The following MKLN1 variants were observed in gnomAD, a reference collection of about 807,000 sequenced individuals.
MKLN1 encodes the protein muskelin 1.
Under a neutral mutation model 99.0 loss-of-function variants are expected in MKLN1, and 18 were observed. The ratio of observed to expected loss-of-function variants is 0.18; its 90% CI spans 0.13 to 0.27. The LOEUF is 0.27. MKLN1 is among the 10% of genes least tolerant of loss of function. The pLI is 1.00. For missense variants in MKLN1, 621 were observed against 875.9 expected, an observed-to-expected ratio of 0.71 and a Z score of 3.67; for synonymous variants, 288 against 293.2, an observed-to-expected ratio of 0.98 and a Z score of 0.18.
At chr7:131,385,348 T>C (rs1563322678) in intron 2 of MKLN1, among the ~76,000 whole-genome samples, 9 of 152,128 alleles carry the variant, frequency 5.9e-5, no homozygotes, top group Admixed American at 5.2e-4. Flanking sequence ...TATACCTTTT[T>C]TTTTTTTCCT....
In MKLN1 at chr7:131,495,815, A is replaced by T. The variant is rs1310116346; in HGVS notation, c.*8087A>T. The T allele has an allele frequency of 6.6e-6, 1 of 152,212 alleles. No individual in the cohort carries two copies. Among genetic ancestry groups the T allele is most frequent in the Non-Finnish European group, 1.5e-5 (1 of 68,040 alleles). 9.4% of individuals were successfully genotyped at this position (152,212 alleles called of 1,614,324 possible). A position where few individuals can be genotyped will look rare whatever the true frequency, so the allele number is the denominator to read the frequency against. ...TATAGGGAGCTGCCTTGCTCAGGTC[A>T]TTGGAAATTTCAACCCTAAGACTCA... On this transcript the variant is annotated 3_prime_UTR_variant, in exon 18 of 18. Coordinates refer to ENST00000352689, the MANE Select transcript of MKLN1 (RefSeq NM_013255.5).
At chr7:131,261,475 T>A (rs1277852337) in intron 3 of MKLN1, among the ~76,000 whole-genome samples, 1 of 152,172 alleles carries the variant, frequency 6.6e-6, no homozygotes, top group Non-Finnish European at 1.5e-5. Context: ...CAATGGCTAC[T>A]ATTAAAAAGT....
At chr7:131,397,439 A>G (rs1251882776) in intron 5 of MKLN1, 63 bp downstream of exon 5, 4 of 807,514 alleles carry the variant, frequency 5.0e-6, no homozygotes, top group East Asian at 2.6e-5. Context: ...TCAATCTCTT[A>G]TCTTCATTGA....
chr7:131,399,512 G>T (rs1166065636), intron 6 of MKLN1, 79 bp downstream of exon 6: 6 of 1,204,540 alleles, frequency 5.0e-6, no homozygotes, highest in Non-Finnish European at 4.7e-6. Flanking sequence ...ATAGGCTTAT[G>T]CCAGTTATTA....
chr7:131,452,120 A>G (rs1190742072), intron 12 of MKLN1, among the ~76,000 whole-genome samples: 5 of 152,178 alleles, frequency 3.3e-5, no homozygotes, highest in African/African-American at 9.7e-5. Flanking sequence ...TCTAACCATT[A>G]TAGCAGATTG....
upstream of MKLN1, chr7:131,327,770 G>A (rs1044473588): frequency 2.1e-6 from 3 of 1,425,618 alleles, no homozygotes; most frequent in East Asian, 2.5e-5. Flanking sequence ...CGCTGGGCTC[G>A]GGTAACGATG....
chr7:131,177,547 A>T (rs1796317767), intron 2 of MKLN1, among the ~76,000 whole-genome samples: 1 of 151,672 alleles, frequency 6.6e-6, no homozygotes, highest in African/African-American at 2.4e-5. Context: ...TACTAATCAC[A>T]TACACTCTTA....
intron 3 of MKLN1, among the ~76,000 whole-genome samples, chr7:131,268,625 G>A (rs1005662200): frequency 1.3e-5 from 2 of 152,152 alleles, no homozygotes; most frequent in Non-Finnish European, 2.9e-5. Flanking sequence ...TAACTGCACA[G>A]GAGGACTGTT....
rs1797519798 is a variant in MKLN1 at position 131,495,024 on chromosome 7, A to G, written c.*7296A>G. 6.6e-6 allele frequency: 1 copy of G among 152,230 alleles called. No homozygotes were observed. Among genetic ancestry groups the G allele is most frequent in the African/African-American group, 2.4e-5 (1 of 41,466 alleles). The allele number at this position is 152,230 out of a possible 1,614,324, so 9.4% of individuals were successfully genotyped here. A position where few individuals can be genotyped will look rare whatever the true frequency, so the allele number is the denominator to read the frequency against. On this transcript the variant is annotated 3_prime_UTR_variant, in exon 18 of 18. Transcript: ENST00000352689. The stretch of plus-strand genomic sequence containing the variant: ...CAGTTGAGTTATTAGCCTCAGAGGA[A>G]GAGTACAGGAAAGCGAAGATGAGGA...
rs140039025 is a variant in MKLN1 at position 131,224,881 on chromosome 7, G to C, written c.-179+21907G>C. The stretch of plus-strand genomic sequence containing the variant: ...GAGGTCAGGAAATCGAGACCATCCT[G>C]GCTAACATGGTGAAACCCCGTCTCT... On this transcript the variant is annotated intron_variant, in intron 3 of 7. Transcript: ENST00000416992. Among the ~76,000 whole-genome samples, 792 of 151,192 alleles carry C rather than the reference G, an allele frequency of 5.2e-3. 12 individuals are homozygous for C. The highest frequency in any genetic ancestry group is 0.018 in the African/African-American group (728 of 41,178).
chr7:131,346,833 A>T (rs984921992), intron 1 of MKLN1, among the ~76,000 whole-genome samples: 4 of 152,258 alleles, frequency 2.6e-5, no homozygotes. Flanking sequence ...TTGTTTTTCT[A>T]TAATTACATA....
chr7:131,439,586 T>TA (rs1267270236), intron 10 of MKLN1, among the ~76,000 whole-genome samples: 1 of 152,196 alleles, frequency 6.6e-6, no homozygotes, highest in Non-Finnish European at 1.5e-5. Context: ...AGTTAGAACT[T>TA]ACACTTGTAG....
chr7:131,483,092 A>T (rs1584788338), intron 17 of MKLN1, among the ~76,000 whole-genome samples: 1 of 152,128 alleles, frequency 6.6e-6, no homozygotes, highest in African/African-American at 2.4e-5. Context: ...TCCTCTTTCC[A>T]TTTTACTTTA....
At chr7:131,344,770 A>G (rs1270455242) in intron 1 of MKLN1, among the ~76,000 whole-genome samples, 2 of 152,160 alleles carry the variant, frequency 1.3e-5, no homozygotes, top group Non-Finnish European at 1.5e-5. Flanking sequence ...AAATAAAAGG[A>G]GGACCTAATC....
intron 2 of MKLN1, among the ~76,000 whole-genome samples, chr7:131,157,990 T>C (rs7789240): frequency 0.13 from 19,905 of 152,188 alleles, 1,664 homozygotes; most frequent in African/African-American, 0.21. Context: ...TCCCGTCCAC[T>C]GTGGCCACCT....
rs550960061 is a variant in MKLN1 at position 131,299,000 on chromosome 7, G to A, written c.-178-76424G>A. 7.4e-4 allele frequency among the ~76,000 whole-genome samples: 112 copies of A among 152,246 alleles called. 2 individuals are homozygous for A. In the South Asian group the frequency reaches 0.022, roughly 30 times the overall value. ...TGAGACCAGCTTGGGCAACAACAGC[G>A]AGATTCTGTCTCTATTGTTTATAAA... On this transcript the variant is annotated intron_variant, in intron 3 of 7. Transcript: ENST00000416992.
At chr7:131,179,828 C>A (rs962650508) in intron 2 of MKLN1, among the ~76,000 whole-genome samples, 1 of 152,070 alleles carries the variant, frequency 6.6e-6, no homozygotes, top group Non-Finnish European at 1.5e-5. Flanking sequence ...CCTGCCTCGG[C>A]CTCCCAAAAT....
chr7:131,373,353 A>G (rs1308345943), intron 1 of MKLN1, among the ~76,000 whole-genome samples: 2 of 151,934 alleles, frequency 1.3e-5, no homozygotes, highest in Non-Finnish European at 2.9e-5. Context: ...GTGCTCTTTA[A>G]ATATTCAAAT....
intron 2 of MKLN1, among the ~76,000 whole-genome samples, chr7:131,200,042 G>T (rs1284821838): frequency 6.6e-6 from 1 of 151,760 alleles, no homozygotes; most frequent in African/African-American, 2.4e-5. Context: ...ATGAGGTCTT[G>T]CTCTGCTGCC....
Sources: gnomAD v4.1 joint callset for allele counts (sites outside exome capture counted in the v4.1 genomes callset) on GRCh38, gnomAD v4.1.1 for gene constraint, MANE v1.5 for transcripts, NCBI Gene and HGNC (gene_info 2026-07-23, HGNC 2026-07-21) for gene names.